PLA2G2C: variants seen among roughly 807,000 people sequenced by gnomAD.
The protein encoded by PLA2G2C is phospholipase A2 group IIC.
In PLA2G2C, 15 loss-of-function variants were observed where a neutral mutation model predicts 14.3. The observed-to-expected ratio is 1.05, with a 90% CI of 0.70 to 1.62. The LOEUF (loss-of-function observed/expected upper bound fraction) is 1.62, where lower values mean the gene tolerates loss of function less well. Ranked by LOEUF, PLA2G2C falls within the 40% of genes most tolerant of loss-of-function variation. The pLI is 0.00. For missense variants in PLA2G2C, 162 were observed against 173.2 expected (o/e 0.94, Z 0.36); for synonymous variants, 79 against 67.7 (o/e 1.17, Z -0.82).
intron 4 of PLA2G2C, among the ~76,000 whole-genome samples, chr1:20,170,358 T>G (rs571627440): frequency 5.3e-5 from 8 of 152,224 alleles, no homozygotes; most frequent in Non-Finnish European, 8.8e-5. Context: ...GTCTCTTCAT[T>G]GCTACAAGGA....
At position 20,176,597 on chromosome 1, in the gene PLA2G2C, T is replaced by C. The variant is rs2018188696; in HGVS notation, c.40+727A>G. Among the ~76,000 whole-genome samples the C allele has an allele frequency of 2.0e-5, 3 of 152,238 alleles. No homozygotes were observed. The South Asian group carries it at 6.2e-4, about 32-fold the overall frequency. ...AGTCCCTGGAGCCGCACTGAGGGGC[T>C]GCAGAGGCGGTCATCCCTGCGTACA... On this transcript the variant is annotated intron_variant, in intron 2 of 4. Transcript: ENST00000679259.
chr1:20,173,480 C>T (rs1048147348), intron 3 of PLA2G2C, among the ~76,000 whole-genome samples: 4 of 152,278 alleles, frequency 2.6e-5, no homozygotes, highest in African/African-American at 9.6e-5. Flanking sequence ...GGCCAATTTC[C>T]CAAACTTAGG....
intron 4 of PLA2G2C, among the ~76,000 whole-genome samples, chr1:20,165,447 G>A (rs953549829): frequency 2.0e-5 from 3 of 152,272 alleles, no homozygotes; most frequent in Non-Finnish European, 2.9e-5. Flanking sequence ...AGCTGTGTGC[G>A]GCTGAGACCT....
At position 20,164,153 on chromosome 1, in the gene PLA2G2C, T is replaced by C. The variant is rs144526343; in HGVS notation, c.288A>G (p.Gly96=). 1.4e-5 allele frequency: 22 copies of C among 1,612,416 alleles called. No homozygotes were observed. The highest frequency in any genetic ancestry group is 1.9e-5 in the Non-Finnish European group (22 of 1,179,610). The change falls in exon 5 of 5, where the codon GGA becomes GGG. Residue 96 remains glycine (G), a synonymous_variant. Transcript: ENST00000679259. ...FHIVNGAVVC[G]CTLGPGASCH... The stretch of plus-strand genomic sequence containing the variant: ...AGCTGGCACCAGGACCAAGGGTGCA[T>C]CCACCTACAGAGACACAGAGGGTCA...
At chr1:20,184,879 C>T (rs556406351) in intron 1 of PLA2G2C, among the ~76,000 whole-genome samples, 2 of 152,026 alleles carry the variant, frequency 1.3e-5, no homozygotes, top group Non-Finnish European at 2.9e-5. Context: ...AGAGGCTGGG[C>T]GAGGTGGCTC....
At chr1:20,168,677 G>C (rs547221663) in intron 4 of PLA2G2C, among the ~76,000 whole-genome samples, 1 of 152,376 alleles carries the variant, frequency 6.6e-6, no homozygotes, top group South Asian at 2.1e-4. Flanking sequence ...GAGGGAGGCA[G>C]TCAGAGGCCG....
In PLA2G2C at chr1:20,164,150, G is replaced by C; in HGVS notation, c.291C>G (p.Cys97Trp). ...GGCAGCTGGCACCAGGACCAAGGGTGCATCCACCTACAGAGACACAGAGGG... is the reference window on the plus strand; with the variant it reads ...GGCAGCTGGCACCAGGACCAAGGGTCCATCCACCTACAGAGACACAGAGGG... ...HIVNGAVVCG[C>W]TLGPGASCHC... Residue 97 changes from cysteine (C) to tryptophan (W), a missense_variant, in exon 5 of 5, where the codon TGC (cysteine) becomes TGG (tryptophan). Transcript: ENST00000679259. 1 of 1,612,506 alleles carries C rather than the reference G, an allele frequency of 6.2e-7. No homozygotes were observed. Among genetic ancestry groups the C allele is most frequent in the Non-Finnish European group, 8.5e-7 (1 of 1,179,580 alleles).
intron 4 of PLA2G2C, among the ~76,000 whole-genome samples, chr1:20,168,557 C>T (rs1011264700): frequency 1.3e-5 from 2 of 152,174 alleles, no homozygotes; most frequent in African/African-American, 2.4e-5. Context: ...CAGTGGGTAG[C>T]GTGTCAGCGA....
chr1:20,173,274 C>T lies in PLA2G2C; in HGVS notation c.180-377G>A, dbSNP rs942898982. Reference sequence around the variant, plus strand: ...GAGGCTGCAGTGAGCTCTGATTGAGCCTCTCCACCCCAGCCTGGATAATAG... The same window carrying T: ...GAGGCTGCAGTGAGCTCTGATTGAGTCTCTCCACCCCAGCCTGGATAATAG... On this transcript the variant is annotated intron_variant, in intron 3 of 4. Transcript: ENST00000679259. Among the ~76,000 whole-genome samples the T allele has an allele frequency of 2.0e-5, 3 of 151,974 alleles. No individual in the cohort carries two copies. The South Asian group carries it at 6.2e-4, about 32-fold the overall frequency.
chr1:20,178,788 A>G (rs1008855533), intron 1 of PLA2G2C, among the ~76,000 whole-genome samples: 9 of 152,254 alleles, frequency 5.9e-5, no homozygotes, highest in Non-Finnish European at 1.2e-4. Flanking sequence ...GAGCTCTTCT[A>G]ATGAGAACAT....
At chr1:20,164,340 G>A (rs372041025) in intron 4 of PLA2G2C, among the ~76,000 whole-genome samples, 183 bp from the exon 5 acceptor site, 7 of 152,116 alleles carry the variant, frequency 4.6e-5, no homozygotes, top group East Asian at 1.9e-4. Flanking sequence ...ATTTGTGTGC[G>A]TGCATATGCA....
chr1:20,178,907 T>C (rs1046379386), intron 1 of PLA2G2C, among the ~76,000 whole-genome samples: 1 of 152,226 alleles, frequency 6.6e-6, no homozygotes, highest in African/African-American at 2.4e-5. Flanking sequence ...GGTTCTCCAT[T>C]AGTTCTCGAA....
At chr1:20,175,411 A>G (rs181843564) in intron 2 of PLA2G2C, among the ~76,000 whole-genome samples, 1 of 152,306 alleles carries the variant, frequency 6.6e-6, no homozygotes, top group East Asian at 1.9e-4. Flanking sequence ...TTTCCCATCA[A>G]CCATAGTCTT....
chr1:20,175,481 G>A (rs2301478), intron 2 of PLA2G2C, among the ~76,000 whole-genome samples: 23,022 of 152,212 alleles, frequency 0.15, 2,272 homozygotes, highest in East Asian at 0.48. Context: ...GATGCAACAT[G>A]AATGGCAAAA....
chr1:20,169,472 A>T (rs1438314829), intron 4 of PLA2G2C, among the ~76,000 whole-genome samples: 1 of 152,024 alleles, frequency 6.6e-6, no homozygotes, highest in Non-Finnish European at 1.5e-5. Context: ...GAGCCACCAC[A>T]CCTGGCCAGG....
chr1:20,171,485 G>A (rs1282972202), intron 4 of PLA2G2C, among the ~76,000 whole-genome samples: 1 of 152,152 alleles, frequency 6.6e-6, no homozygotes, highest in African/African-American at 2.4e-5. Context: ...CCTAACTCTG[G>A]GTATTGGTGT....
At position 20,175,072 on chromosome 1, in the gene PLA2G2C, T is replaced by G. The variant is rs1429513693; in HGVS notation, c.114A>C (p.Ser38=). 1 of 1,613,890 alleles carries G rather than the reference T, an allele frequency of 6.2e-7. No homozygotes were observed. The highest frequency in any genetic ancestry group is 8.5e-7 in the Non-Finnish European group (1 of 1,179,908). Residue 38 remains serine, a synonymous_variant, in exon 3 of 5, where the codon TCA becomes TCC. Coordinates refer to ENST00000679259, the MANE Select transcript of PLA2G2C (RefSeq NM_001367969.2). ...KHITGRSAFF[S]YYGYGCYCGL... ...CACAGTAGCAGCCATATCCGTAATA[T>G]GAGAAGAAGGCACTTCGCCCCGTGA...
intron 4 of PLA2G2C, among the ~76,000 whole-genome samples, chr1:20,169,263 C>T (rs543350515): frequency 6.6e-6 from 1 of 152,276 alleles, no homozygotes; most frequent in Admixed American, 6.5e-5. Context: ...ACTGTGGCCT[C>T]ATCTCCTGGG....
At chr1:20,167,294 C>T (rs1344157320) in intron 4 of PLA2G2C, among the ~76,000 whole-genome samples, 5 of 152,208 alleles carry the variant, frequency 3.3e-5, no homozygotes, top group African/African-American at 1.2e-4. Flanking sequence ...CTACCCCTTA[C>T]ATGTCTGACA....
Sources: allele counts gnomAD v4.1 joint callset (sites outside exome capture counted in the v4.1 genomes callset), GRCh38; gene constraint gnomAD v4.1.1; transcripts MANE v1.5; gene names NCBI Gene and HGNC (gene_info 2026-07-23, HGNC 2026-07-21).